The following USP25 variants were observed in gnomAD, a reference collection of about 807,000 sequenced individuals.
The protein encoded by USP25 is ubiquitin specific peptidase 25.
A neutral mutation model predicts 158.5 loss-of-function variants in USP25; 85 were observed. That is an observed-to-expected ratio of 0.54 (90% CI 0.45 to 0.64). USP25 has a LOEUF of 0.64. Among genes scored for constraint, USP25 ranks in the 30% least tolerant of loss-of-function variants. The probability of loss-of-function intolerance (pLI) is 0.00; values close to 1 mark genes in which losing one functional copy is unlikely to be tolerated. For missense variants in USP25, 1,242 were observed against 1,327.3 expected, an observed-to-expected ratio of 0.94 and a Z score of 1.00; for synonymous variants, 464 against 460.4, an observed-to-expected ratio of 1.01 and a Z score of -0.10.
At chr21:15,829,425 A>C (rs2037689812) in intron 14 of USP25, among the ~76,000 whole-genome samples, 1 of 152,166 alleles carries the variant, frequency 6.6e-6, no homozygotes, top group African/African-American at 2.4e-5. Context: ...GTCACTCCAA[A>C]ACATTAAACC....
At chr21:15,836,257 A>G (rs1241325307) in intron 17 of USP25, among the ~76,000 whole-genome samples, 1 of 152,218 alleles carries the variant, frequency 6.6e-6, no homozygotes, top group Non-Finnish European at 1.5e-5. Flanking sequence ...CTACTGAGTG[A>G]TATTCCAATT....
At chr21:15,870,022 T>C in intron 22 of USP25, 46 bp from the exon 23 acceptor site, 1 of 1,452,036 alleles carries the variant, frequency 6.9e-7, no homozygotes, top group Middle Eastern at 1.9e-4. Context: ...CATAGTACTT[T>C]TTAAATCTTA....
At chr21:15,878,077 T>A in intron 25 of USP25, 86 bp downstream of exon 25, 1 of 1,132,038 alleles carries the variant, frequency 8.8e-7, no homozygotes, top group Non-Finnish European at 1.2e-6. Context: ...TGCCATTTTT[T>A]ATATTAAATA....
Position 15,853,501 on chromosome 21 carries a change from A to G in USP25, c.2547+3629A>G, listed in dbSNP as rs2038990039. Among the ~76,000 whole-genome samples the G allele has an allele frequency of 2.6e-5, 4 of 152,200 alleles. No individual in the cohort carries two copies. In the South Asian group the frequency reaches 8.3e-4, roughly 31 times the overall value. On this transcript the variant is annotated intron_variant, in intron 20 of 25. Transcript: ENST00000400183. ...TAGTTTAGAGTACTTTTTCTTAAAC[A>G]GGTTTTAAAATAGTATGTTCGTTTT...
intron 3 of USP25, among the ~76,000 whole-genome samples, chr21:15,775,333 G>C (rs1172395963): frequency 6.6e-6 from 1 of 152,136 alleles, no homozygotes; most frequent in African/African-American, 2.4e-5. Context: ...TTCAAATAAG[G>C]AATTTAATAC....
intron 10 of USP25, among the ~76,000 whole-genome samples, chr21:15,821,900 T>A (rs1224521408): frequency 2.0e-5 from 3 of 152,000 alleles, no homozygotes; most frequent in African/African-American, 7.2e-5. Context: ...ACTACTTTTG[T>A]TAACAGGTGA....
Position 15,826,502 on chromosome 21 carries a change from A to AAGACTG in USP25, c.1466+138_1466+143dup. ...AACTCCTAAGAGTAGATTCACTTAG[A>AAGACTG]AGACTGTATGTCCTCTGGGAGTTTT... On this transcript the variant is annotated intron_variant, in intron 13 of 25. Coordinates refer to ENST00000400183, the MANE Select transcript of USP25 (RefSeq NM_001283041.3). This position sits in a 1 kb window ranked among gnomAD's most constrained non-coding sequence, Gnocchi z 4.8. 1 of 976,242 alleles carries AAGACTG rather than the reference A, an allele frequency of 1.0e-6. No individual in the cohort carries two copies. Among genetic ancestry groups the AAGACTG allele is most frequent in the Non-Finnish European group, 1.5e-6 (1 of 667,788 alleles). The allele number at this position is 976,242 out of a possible 1,614,324, so 60.5% of individuals were successfully genotyped here.
chr21:15,836,181 A>AT (rs1295154858), intron 17 of USP25, among the ~76,000 whole-genome samples: 2 of 152,126 alleles, frequency 1.3e-5, no homozygotes, highest in African/African-American at 2.4e-5. Context: ...CAACAGAATG[A>AT]TTTTTTTCCT....
Position 15,831,443 on chromosome 21 carries a change from G to A in USP25, c.1807G>A (p.Ala603Thr), listed in dbSNP as rs1440088495. 1 of 1,614,032 alleles carries A rather than the reference G, an allele frequency of 6.2e-7. No individual in the cohort carries two copies. The highest frequency in any genetic ancestry group is 2.2e-5 in the East Asian group (1 of 44,858). The change falls in exon 16 of 26, where the codon GCT (alanine) becomes ACT (threonine). Residue 603 changes from alanine (A) to threonine (T), a missense_variant. Ala to Thr is a moderately conservative substitution (Grantham distance 58). This residue lies in a region of USP25 where 7 missense variants were observed against 20.6 expected (regional missense o/e 0.34). Coordinates refer to ENST00000400183, the MANE Select transcript of USP25 (RefSeq NM_001283041.3). ...TGCCGTTTTAGTTCACGAAGGCCAA[G>A]CTAATGCTGGGCACTACTGGGCATA... Reference protein sequence around the residue: ...LHAVLVHEGQANAGHYWAYIF... With the variant: ...LHAVLVHEGQTNAGHYWAYIF...
At chr21:15,779,500 T>A (rs1001788509) in intron 4 of USP25, among the ~76,000 whole-genome samples, 26 of 151,844 alleles carry the variant, frequency 1.7e-4, no homozygotes, top group African/African-American at 6.3e-4. Context: ...TATATGAATA[T>A]AAAATATATG....
chr21:15,762,830 C>T (rs1262755730), intron 1 of USP25, 61 bp from the exon 2 acceptor site: 1 of 1,458,680 alleles, frequency 6.9e-7, no homozygotes. Flanking sequence ...GATTTGTTTT[C>T]TTTTCCTAGT....
rs751366367 is a variant in USP25 at position 15,833,358 on chromosome 21, TAAAG to T, written c.2008_2011del (p.Glu670LeufsTer8). 1.2e-6 allele frequency: 2 copies of T among 1,612,328 alleles called. No homozygotes were observed. Among genetic ancestry groups the T allele is most frequent in the Non-Finnish European group, 1.7e-6 (2 of 1,179,444 alleles). On this transcript the variant is annotated frameshift_variant, in exon 17 of 26. Coordinates refer to ENST00000400183, the MANE Select transcript of USP25 (RefSeq NM_001283041.3). LOFTEE classifies it high-confidence loss of function. Reference sequence around the variant, plus strand: ...AAATATGATTTGCAGAGGAGTTTAATAAAGAAACTGGGCAGCCCCTTGTTGGTAT... The same window carrying T: ...AAATATGATTTGCAGAGGAGTTTAATAAACTGGGCAGCCCCTTGTTGGTAT...
intron 19 of USP25, among the ~76,000 whole-genome samples, chr21:15,849,240 G>T (rs147765327): frequency 1.3e-5 from 2 of 152,060 alleles, no homozygotes; most frequent in Admixed American, 6.6e-5. Context: ...GTGTTTTGTC[G>T]TTTTTTAAAA....
chr21:15,791,450 C>T lies in USP25; in HGVS notation c.393-52C>T, dbSNP rs2035585592. 1.0e-5 allele frequency: 15 copies of T among 1,482,790 alleles called. No individual in the cohort carries two copies. In the Admixed American group the frequency reaches 1.2e-4, roughly 12 times the overall value. 91.9% of individuals were successfully genotyped at this position (1,482,790 alleles called of 1,614,324 possible). A position where few individuals can be genotyped will look rare whatever the true frequency, so the allele number is the denominator to read the frequency against. On this transcript the variant is annotated intron_variant, in intron 4 of 25. Coordinates refer to ENST00000400183, the MANE Select transcript of USP25 (RefSeq NM_001283041.3). ...AATGCTTTTAGAATGTGTGATATGC[C>T]TGGGATATATACCATTATATAATGC...
intron 4 of USP25, among the ~76,000 whole-genome samples, chr21:15,779,085 A>C (rs1324820486): frequency 6.6e-6 from 1 of 152,076 alleles, no homozygotes; most frequent in Non-Finnish European, 1.5e-5. Context: ...CGACTTTTTA[A>C]TGTCTTTAAA....
chr21:15,876,949 C>T (rs775243393), intron 24 of USP25: 4 of 151,816 alleles, frequency 2.6e-5, no homozygotes, highest in African/African-American at 4.8e-5. Flanking sequence ...AGGTCTTATA[C>T]CTGTATTTAT....
At chr21:15,863,915 T>A (rs757461935) in intron 20 of USP25, among the ~76,000 whole-genome samples, 32 of 151,880 alleles carry the variant, frequency 2.1e-4, no homozygotes, top group Non-Finnish European at 4.0e-4. Flanking sequence ...TGGGCGCCTG[T>A]AATCCCAGCT....
In USP25 at chr21:15,831,428, G is replaced by A. The variant is rs2037796982; in HGVS notation, c.1792G>A (p.Val598Ile). The A allele has an allele frequency of 6.2e-7, 1 of 1,613,860 alleles. No homozygotes were observed. Among genetic ancestry groups the A allele is most frequent in the Non-Finnish European group, 8.5e-7 (1 of 1,179,904 alleles). Residue 598 changes from valine to isoleucine, a missense_variant, in exon 16 of 26, where the codon GTT (valine) becomes ATT (isoleucine). Val to Ile is a conservative substitution (Grantham distance 29). Transcript: ENST00000400183. ...QVPYRLHAVL[V>I]HEGQANAGHY... ...TCCTTATCGATTACATGCCGTTTTA[G>A]TTCACGAAGGCCAAGCTAATGCTGG...
chr21:15,815,471 G>T (rs184540711), intron 9 of USP25, among the ~76,000 whole-genome samples: 1 of 152,148 alleles, frequency 6.6e-6, no homozygotes, highest in Non-Finnish European at 1.5e-5. Flanking sequence ...ACACCAACCC[G>T]TGAAAGCAGC....
Sources: allele counts gnomAD v4.1 joint callset (sites outside exome capture counted in the v4.1 genomes callset), GRCh38; gene constraint gnomAD v4.1.1; regional missense constraint gnomAD v4.1.1; non-coding constraint Gnocchi (gnomAD v3.1); transcripts MANE v1.5; gene names NCBI Gene and HGNC (gene_info 2026-07-23, HGNC 2026-07-21).